GFOD1: variants seen among roughly 807,000 people sequenced by gnomAD.
The protein encoded by GFOD1 is glucose-fructose oxidoreductase domain-containing protein 1.
Under a neutral mutation model 25.4 loss-of-function variants are expected in GFOD1, and 9 were observed. The ratio of observed to expected loss-of-function variants is 0.35; its 90% CI spans 0.21 to 0.62. The LOEUF is 0.62. GFOD1 is among the 20% of genes least tolerant of loss of function. The pLI is 0.72. For synonymous variants in GFOD1, 253 were observed against 245.6 expected, an observed-to-expected ratio of 1.03 and a Z score of -0.28; for missense variants, 403 against 556.9, an observed-to-expected ratio of 0.72 and a Z score of 2.78.
chr6:13,419,649 C>T (rs1338309852), intron 1 of GFOD1, among the ~76,000 whole-genome samples: 1 of 152,200 alleles, frequency 6.6e-6, no homozygotes, highest in East Asian at 1.9e-4. Flanking sequence ...CGATCTGCTT[C>T]CTCCTCTGCA....
chr6:13,402,133 A>G (rs1328011372), intron 1 of GFOD1, among the ~76,000 whole-genome samples: 4 of 152,238 alleles, frequency 2.6e-5, no homozygotes, highest in Non-Finnish European at 5.9e-5. Context: ...CTGGCTATCC[A>G]CATGCACAAA....
intron 1 of GFOD1, among the ~76,000 whole-genome samples, chr6:13,420,195 T>C (rs1165894059): frequency 1.3e-5 from 2 of 152,206 alleles, no homozygotes; most frequent in African/African-American, 2.4e-5. Context: ...CCAAAGCCAG[T>C]GGGCCCTCTA....
At chr6:13,478,208 T>C (rs1320363708) in intron 1 of GFOD1, among the ~76,000 whole-genome samples, 1 of 152,170 alleles carries the variant, frequency 6.6e-6, no homozygotes, top group Non-Finnish European at 1.5e-5. Flanking sequence ...GGTGCAATCT[T>C]GGCTTACTGC....
intron 1 of GFOD1, among the ~76,000 whole-genome samples, chr6:13,447,187 G>C (rs1012955807): frequency 5.9e-5 from 9 of 152,190 alleles, no homozygotes; most frequent in Non-Finnish European, 8.8e-5. Context: ...TGAGATGAAG[G>C]TGTGGGCAGG....
intron 1 of GFOD1, among the ~76,000 whole-genome samples, chr6:13,410,165 T>C (rs1023297417): frequency 1.3e-5 from 2 of 152,134 alleles, no homozygotes; most frequent in South Asian, 2.1e-4. Flanking sequence ...CAGATAAATA[T>C]AGCAAGCTAC....
intron 1 of GFOD1, among the ~76,000 whole-genome samples, chr6:13,459,965 C>G (rs904127112): frequency 6.6e-6 from 1 of 152,162 alleles, no homozygotes. Context: ...GAAACCCCAT[C>G]TCTACTAAAA....
intron 1 of GFOD1, among the ~76,000 whole-genome samples, chr6:13,384,209 G>C (rs573576257): frequency 5.9e-5 from 9 of 152,218 alleles, no homozygotes; most frequent in Admixed American, 5.9e-4. Flanking sequence ...CTGGGTGACA[G>C]AGTGAGACTC....
At chr6:13,470,586 C>T in intron 1 of GFOD1, 1 of 1,505,566 alleles carries the variant, frequency 6.6e-7, no homozygotes, top group Non-Finnish European at 8.9e-7. Context: ...TTTTTTTCCC[C>T]AGTATTTTTC....
At chr6:13,393,865 C>T (rs1418443280) in intron 1 of GFOD1, among the ~76,000 whole-genome samples, 30 of 150,470 alleles carry the variant, frequency 2.0e-4, no homozygotes, top group Admixed American at 6.6e-4. Context: ...CTGCAAGCTC[C>T]GCCTCCCGGG....
At chr6:13,418,782 C>T (rs1165059500) in intron 1 of GFOD1, among the ~76,000 whole-genome samples, 1 of 152,186 alleles carries the variant, frequency 6.6e-6, no homozygotes, top group Non-Finnish European at 1.5e-5. Context: ...TGCCTGTTGC[C>T]ACACACCTGG....
At chr6:13,464,524 T>C (rs988946168) in intron 1 of GFOD1, among the ~76,000 whole-genome samples, 4 of 152,224 alleles carry the variant, frequency 2.6e-5, no homozygotes, top group Admixed American at 6.5e-5. Context: ...CTTTCCCTCA[T>C]TGTGATGGTT....
At chr6:13,456,056 T>C (rs1584662635) in intron 1 of GFOD1, among the ~76,000 whole-genome samples, 1 of 152,212 alleles carries the variant, frequency 6.6e-6, no homozygotes, top group African/African-American at 2.4e-5. Context: ...AAGAAGGACA[T>C]GGGTCTCAGA....
chr6:13,418,466 T>A (rs1786198321), intron 1 of GFOD1, among the ~76,000 whole-genome samples: 1 of 152,242 alleles, frequency 6.6e-6, no homozygotes, highest in African/African-American at 2.4e-5. Flanking sequence ...TATTTTTTTA[T>A]CTCAGCCTTC....
In GFOD1 at chr6:13,406,442, G is replaced by A. The variant is rs538442762; in HGVS notation, c.254-40780C>T. On this transcript the variant is annotated intron_variant, in intron 1 of 1. Coordinates refer to ENST00000379287, the MANE Select transcript of GFOD1 (RefSeq NM_018988.4). The stretch of plus-strand genomic sequence containing the variant: ...GCGCTCTACAAATACAAGGTAACAC[G>A]GCTTCAGAAAGGGCGCCTGTATTCA... Among the ~76,000 whole-genome samples, 5 of 150,152 alleles carry A rather than the reference G, an allele frequency of 3.3e-5. No homozygotes were observed. In the East Asian group the frequency reaches 7.7e-4, roughly 23 times the overall value.
Position 13,475,683 on chromosome 6 carries a change from A to ACG in GFOD1, c.253+10954_253+10955insCG, listed in dbSNP as rs1562231012. ...GAGTAAGCCGAGATTACGCCATTGC[A>ACG]CTCCAGCCTGGGTGACAGTGCAAGA... On this transcript the variant is annotated intron_variant, in intron 1 of 1. Coordinates refer to ENST00000379287, the MANE Select transcript of GFOD1 (RefSeq NM_018988.4). Among the ~76,000 whole-genome samples, 138 of 150,252 alleles carry ACG rather than the reference A, an allele frequency of 9.2e-4. 2 individuals carry two copies. Among genetic ancestry groups the ACG allele is most frequent in the African/African-American group, 3.2e-3 (131 of 40,622 alleles).
chr6:13,465,947 G>A (rs1758372489), intron 1 of GFOD1, among the ~76,000 whole-genome samples: 1 of 152,228 alleles, frequency 6.6e-6, no homozygotes, highest in Non-Finnish European at 1.5e-5. Context: ...GGAGGAACCA[G>A]CAGGATTCTC....
intron 1 of GFOD1, among the ~76,000 whole-genome samples, chr6:13,474,877 C>T (rs2127578296): frequency 6.6e-6 from 1 of 152,294 alleles, no homozygotes; most frequent in East Asian, 1.9e-4. Flanking sequence ...GCACCCCTCA[C>T]CTGGTAGTCT....
chr6:13,465,558 C>T (rs1213798516), intron 1 of GFOD1, among the ~76,000 whole-genome samples: 1 of 152,194 alleles, frequency 6.6e-6, no homozygotes, highest in Non-Finnish European at 1.5e-5. Context: ...CATTGAGGAG[C>T]TTTAAAAAAC....
At chr6:13,480,418 C>G (rs1758722489) in intron 1 of GFOD1, among the ~76,000 whole-genome samples, 2 of 152,228 alleles carry the variant, frequency 1.3e-5, no homozygotes, top group African/African-American at 4.8e-5. Flanking sequence ...TTCCCAAAGG[C>G]AGAGAGCTAT....
Sources: allele counts gnomAD v4.1 joint callset (sites outside exome capture counted in the v4.1 genomes callset), GRCh38; gene constraint gnomAD v4.1.1; transcripts MANE v1.5; gene names NCBI Gene and HGNC (gene_info 2026-07-23, HGNC 2026-07-21).